The following YIPF4 variants were observed in gnomAD, a reference collection of about 807,000 sequenced individuals.
YIPF4 encodes the protein Yip1 domain family member 4.
In YIPF4, 18 loss-of-function variants were observed where a neutral mutation model predicts 29.4. The observed-to-expected ratio is 0.61, with a 90% CI of 0.42 to 0.91. The LOEUF (loss-of-function observed/expected upper bound fraction) is 0.91, where lower values mean the gene tolerates loss of function less well. Among genes scored for constraint, YIPF4 ranks in the 40% least tolerant of loss-of-function variants. The pLI is 0.00. For missense variants in YIPF4, 279 were observed against 282.7 expected (o/e 0.99, Z 0.09); for synonymous variants, 115 against 104.7 (o/e 1.10, Z -0.60).
rs1387767073 is a variant in YIPF4 at position 32,314,121 on chromosome 2, A to G, written c.*8495A>G. The G allele has an allele frequency of 2.6e-5, 4 of 152,240 alleles. No homozygotes were observed. The East Asian group carries it at 5.8e-4, about 22-fold the overall frequency. The allele number at this position is 152,240 out of a possible 1,614,324, so 9.4% of individuals were successfully genotyped here. ...GAATGTGCACAGTTAACATTATTCA[A>G]ATAGCCAAAAACGGGAACATGTCCA... On this transcript the variant is annotated 3_prime_UTR_variant, in exon 6 of 6. Transcript: ENST00000238831.
At chr2:32,303,003 T>C (rs1286196649) in intron 5 of YIPF4, among the ~76,000 whole-genome samples, 1 of 152,244 alleles carries the variant, frequency 6.6e-6, no homozygotes, top group Non-Finnish European at 1.5e-5. Flanking sequence ...TCTTAACTTT[T>C]CTTACCCTCA....
At chr2:32,281,055 A>G (rs2030385826) in intron 1 of YIPF4, among the ~76,000 whole-genome samples, 1 of 152,178 alleles carries the variant, frequency 6.6e-6, no homozygotes, top group Non-Finnish European at 1.5e-5. Flanking sequence ...CATTGATTCC[A>G]CATACTAAGA....
chr2:32,305,652 G>C lies in YIPF4; in HGVS notation c.*26G>C. ...TCCAAGTTATACATGAATAGAAAAA[G>C]ATGGTGTTAAATTTGTGTGTAGGCT... On this transcript the variant is annotated 3_prime_UTR_variant, in exon 6 of 6. Coordinates refer to ENST00000238831, the MANE Select transcript of YIPF4 (RefSeq NM_032312.4). 1 of 1,525,028 alleles carries C rather than the reference G, an allele frequency of 6.6e-7. No homozygotes were observed. The highest frequency in any genetic ancestry group is 8.8e-7 in the Non-Finnish European group (1 of 1,139,054). 94.5% of individuals were successfully genotyped at this position (1,525,028 alleles called of 1,614,324 possible). A position where few individuals can be genotyped will look rare whatever the true frequency, so the allele number is the denominator to read the frequency against.
intron 3 of YIPF4, among the ~76,000 whole-genome samples, chr2:32,293,726 C>T (rs545761573): frequency 1.1e-4 from 16 of 151,462 alleles, no homozygotes; most frequent in South Asian, 4.1e-4. Flanking sequence ...GGGGCTGACC[C>T]CCCAACCTCC....
In YIPF4 at chr2:32,303,135, C is replaced by G. The variant is rs551884225; in HGVS notation, c.597+1640C>G. Among the ~76,000 whole-genome samples the G allele has an allele frequency of 2.0e-5, 3 of 152,186 alleles. No homozygotes were observed. In the South Asian group the frequency reaches 6.2e-4, roughly 32 times the overall value. ...ATCCCAGCACTTTGGGAGGCTGAGG[C>G]GAATGGATTACTTGAGCTCAGGAGT... On this transcript the variant is annotated intron_variant, in intron 5 of 5. Coordinates refer to ENST00000238831, the MANE Select transcript of YIPF4 (RefSeq NM_032312.4).
intron 1 of YIPF4, among the ~76,000 whole-genome samples, chr2:32,281,778 C>G (rs1016889679): frequency 4.0e-5 from 6 of 151,664 alleles, no homozygotes; most frequent in Non-Finnish European, 8.8e-5. Context: ...AATCCCAATC[C>G]CAGCTACCTA....
intron 3 of YIPF4, 117 bp from the exon 4 acceptor site, chr2:32,298,117 C>G: frequency 2.7e-6 from 2 of 737,344 alleles, no homozygotes; most frequent in Middle Eastern, 2.4e-4. Context: ...CACATAATCT[C>G]TCTATGACCT....
rs1408563371 is a variant in YIPF4 at position 32,311,378 on chromosome 2, T to A, written c.*5752T>A. The A allele has an allele frequency of 6.6e-6, 1 of 152,128 alleles. No individual in the cohort carries two copies. Among genetic ancestry groups the A allele is most frequent in the Non-Finnish European group, 1.5e-5 (1 of 68,026 alleles). 9.4% of individuals were successfully genotyped at this position (152,128 alleles called of 1,614,324 possible). A position where few individuals can be genotyped will look rare whatever the true frequency, so the allele number is the denominator to read the frequency against. On this transcript the variant is annotated 3_prime_UTR_variant, in exon 6 of 6. Coordinates refer to ENST00000238831, the MANE Select transcript of YIPF4 (RefSeq NM_032312.4). ...TTCTTTTGATATGCTGAGGTTACAG[T>A]TTGGAGGTTACATTAGAGAAAGAAT...
intron 3 of YIPF4, 27 bp downstream of exon 3, chr2:32,292,375 T>C: frequency 7.0e-7 from 1 of 1,435,668 alleles, no homozygotes; most frequent in Non-Finnish European, 9.2e-7. Context: ...TTATACAAAT[T>C]CTAAATATTT....
chr2:32,293,905 C>T (rs2031039793), intron 3 of YIPF4, among the ~76,000 whole-genome samples: 2 of 145,658 alleles, frequency 1.4e-5, no homozygotes, highest in Non-Finnish European at 3.1e-5. Flanking sequence ...ACCCCCCCCA[C>T]CTCCCTCCCG....
intron 1 of YIPF4, among the ~76,000 whole-genome samples, chr2:32,280,088 A>G (rs1265970656): frequency 6.6e-6 from 1 of 150,430 alleles, no homozygotes; most frequent in African/African-American, 2.4e-5. Flanking sequence ...TGGACCCATG[A>G]AACCCTAAGG....
chr2:32,278,891 T>C (rs1220130240), intron 1 of YIPF4, among the ~76,000 whole-genome samples: 1 of 152,164 alleles, frequency 6.6e-6, no homozygotes, highest in Non-Finnish European at 1.5e-5. Context: ...GCTGGAGATA[T>C]TTTCCTACAG....
chr2:32,296,926 A>G (rs981941476), intron 3 of YIPF4, among the ~76,000 whole-genome samples: 3 of 152,184 alleles, frequency 2.0e-5, no homozygotes, highest in African/African-American at 4.8e-5. Context: ...TATTTGAGTT[A>G]TAATCCAGTA....
chr2:32,305,836 C>A lies in YIPF4; in HGVS notation c.*210C>A. ...GATTTTTGGGTCAGAATTTTAAATT[C>A]TGTTTGATTCTCCATATTCCAGTGA... On this transcript the variant is annotated 3_prime_UTR_variant, in exon 6 of 6. Transcript: ENST00000238831. 8.4e-7 allele frequency: 1 copy of A among 1,193,048 alleles called. No individual in the cohort carries two copies. The highest frequency in any genetic ancestry group is 1.0e-6 in the Non-Finnish European group (1 of 964,546). 73.9% of individuals were successfully genotyped at this position (1,193,048 alleles called of 1,614,324 possible).
rs1191275917 is a variant in YIPF4, at chr2:32,278,028, C to T, written c.-128C>T. ...CGCTGTGCCCGTTTCTGGCCTCGCT[C>T]GCAGCTTGCACGTCGAGACTCGTAG... is the stretch of plus-strand genomic sequence containing the variant. On this transcript the variant is annotated 5_prime_UTR_variant, in exon 1 of 6. Coordinates refer to ENST00000238831, the MANE Select transcript of YIPF4 (RefSeq NM_032312.4). 9.1e-6 allele frequency: 7 copies of T among 765,522 alleles called. No individual in the cohort carries two copies. The highest frequency in any genetic ancestry group is 3.4e-5 in the Admixed American group (1 of 29,354). 47.4% of individuals were successfully genotyped at this position (765,522 alleles called of 1,614,324 possible).
In YIPF4 at chr2:32,306,121, T is replaced by C; in HGVS notation, c.*495T>C. Reference sequence around the variant, plus strand: ...ATATTTCTGATAAACATTAAGATATTAAATCTGATGCACAAACTTTTTAAT... The same window carrying C: ...ATATTTCTGATAAACATTAAGATATCAAATCTGATGCACAAACTTTTTAAT... On this transcript the variant is annotated 3_prime_UTR_variant, in exon 6 of 6. Coordinates refer to ENST00000238831, the MANE Select transcript of YIPF4 (RefSeq NM_032312.4). 2 of 770,596 alleles carry C rather than the reference T, an allele frequency of 2.6e-6. No individual in the cohort carries two copies. Among genetic ancestry groups the C allele is most frequent in the Non-Finnish European group, 3.1e-6 (2 of 641,030 alleles). The allele number at this position is 770,596 out of a possible 1,614,324, so 47.7% of individuals were successfully genotyped here.
intron 4 of YIPF4, among the ~76,000 whole-genome samples, chr2:32,300,999 G>T (rs982215295): frequency 1.3e-5 from 2 of 152,114 alleles, no homozygotes; most frequent in Non-Finnish European, 2.9e-5. Context: ...TAACATCTAG[G>T]TTCTCTAGAC....
chr2:32,279,910 T>C (rs1313428105), intron 1 of YIPF4, among the ~76,000 whole-genome samples: 1 of 150,096 alleles, frequency 6.7e-6, no homozygotes, highest in Non-Finnish European at 1.5e-5. Flanking sequence ...CTTTTTTTTT[T>C]TTTTTGAGGT....
chr2:32,316,526 A>C lies in YIPF4; in HGVS notation c.*10900A>C, dbSNP rs1444048884. 10 of 152,346 alleles carry C rather than the reference A, an allele frequency of 6.6e-5. No homozygotes were observed. In the East Asian group the frequency reaches 1.3e-3, roughly 21 times the overall value. The allele number at this position is 152,346 out of a possible 1,614,324, so 9.4% of individuals were successfully genotyped here. On this transcript the variant is annotated 3_prime_UTR_variant, in exon 6 of 6. Transcript: ENST00000238831. Reference sequence around the variant, plus strand: ...CTCAATTGTTAAACTATTGAAATGCATCTGTGTCAATGGTAAATAGTATTA... The same window carrying C: ...CTCAATTGTTAAACTATTGAAATGCCTCTGTGTCAATGGTAAATAGTATTA...
Sources: gnomAD v4.1 joint callset for allele counts (sites outside exome capture counted in the v4.1 genomes callset) on GRCh38, gnomAD v4.1.1 for gene constraint, MANE v1.5 for transcripts, NCBI Gene and HGNC (gene_info 2026-07-23, HGNC 2026-07-21) for gene names.